Variants in MAMDC2 observed in about 807,000 individuals in gnomAD.
The protein encoded by MAMDC2 is MAM domain containing 2.
A neutral mutation model predicts 89.8 loss-of-function variants in MAMDC2; 57 were observed. The observed-to-expected ratio is 0.63, with a 90% confidence interval of 0.51 to 0.79. The LOEUF (loss-of-function observed/expected upper bound fraction) is 0.79. Ranked by LOEUF, MAMDC2 falls within the 30% of genes least tolerant of loss-of-function variation. MAMDC2 has a pLI of 0.00. For missense variants in MAMDC2, 800 were observed against 820.6 expected (o/e 0.97, Z 0.31); for synonymous variants, 313 against 293.4 (o/e 1.07, Z -0.68).
intron 7 of MAMDC2, among the ~76,000 whole-genome samples, chr9:70,133,502 G>A (rs774825410): frequency 3.3e-5 from 5 of 152,154 alleles, no homozygotes; most frequent in Admixed American, 6.5e-5. Context: ...TATACAGTTC[G>A]GTTAACCAAG....
intron 11 of MAMDC2, among the ~76,000 whole-genome samples, chr9:70,203,092 G>A (rs1422375958): frequency 1.1e-3 from 156 of 138,246 alleles, no homozygotes; most frequent in South Asian, 2.3e-3. Flanking sequence ...ATTTGATCCT[G>A]TCATTATGAT....
At chr9:70,053,337 A>G (rs1233573866) in intron 2 of MAMDC2, among the ~76,000 whole-genome samples, 3 of 152,242 alleles carry the variant, frequency 2.0e-5, no homozygotes, top group Non-Finnish European at 4.4e-5. Flanking sequence ...ATTTCATTGC[A>G]TCATGAATAA....
In MAMDC2 at chr9:70,140,135, C is replaced by A. The variant is rs1563971517; in HGVS notation, c.995-10C>A. 6.4e-7 allele frequency: 1 copy of A among 1,553,728 alleles called. No individual in the cohort carries two copies. Reference sequence around the variant, plus strand: ...GGGACTGTCATTAACTTTGCTTGTCCTTTGCTCAGAACTTCTGTTCAGTGC... The same window carrying A: ...GGGACTGTCATTAACTTTGCTTGTCATTTGCTCAGAACTTCTGTTCAGTGC... On this transcript the variant is annotated splice_polypyrimidine_tract_variant and intron_variant, in intron 7 of 13. Coordinates refer to ENST00000377182, the MANE Select transcript of MAMDC2 (RefSeq NM_153267.5).
intron 2 of MAMDC2, 40 bp downstream of exon 2, chr9:70,044,737 C>T (rs1227749681): frequency 2.8e-6 from 4 of 1,423,320 alleles, no homozygotes; most frequent in Non-Finnish European, 3.9e-6. Context: ...AGTGAACTTT[C>T]TTCCTTGATG....
At chr9:70,046,898 C>T (rs893057580) in intron 2 of MAMDC2, among the ~76,000 whole-genome samples, 15 of 152,158 alleles carry the variant, frequency 9.9e-5, no homozygotes, top group African/African-American at 1.7e-4. Flanking sequence ...AGAACTTGGA[C>T]GTAACAGTGT....
intron 11 of MAMDC2, among the ~76,000 whole-genome samples, chr9:70,173,412 T>C (rs1209372722): frequency 6.6e-6 from 1 of 152,194 alleles, no homozygotes; most frequent in East Asian, 1.9e-4. Context: ...AATGAATCTA[T>C]AAACCTTCAC....
intron 2 of MAMDC2, among the ~76,000 whole-genome samples, chr9:70,107,706 C>T (rs947499180): frequency 6.6e-6 from 1 of 152,178 alleles, no homozygotes; most frequent in African/African-American, 2.4e-5. Context: ...CATAATGATG[C>T]AAGTTAAATG....
intron 2 of MAMDC2, among the ~76,000 whole-genome samples, chr9:70,056,833 G>A (rs948927477): frequency 8.6e-5 from 13 of 151,952 alleles, no homozygotes; most frequent in Admixed American, 3.9e-4. Flanking sequence ...GATCAGCAGC[G>A]GCATTAGATT....
chr9:70,122,457 A>G (rs1268888566), intron 5 of MAMDC2, among the ~76,000 whole-genome samples: 1 of 152,174 alleles, frequency 6.6e-6, no homozygotes, highest in African/African-American at 2.4e-5. Flanking sequence ...TGAATTTACA[A>G]CAAGGCTGGC....
intron 8 of MAMDC2, 89 bp downstream of exon 8, chr9:70,140,377 CTT>C (rs980428904): frequency 1.4e-6 from 2 of 1,387,674 alleles, no homozygotes; most frequent in African/African-American, 3.1e-5. Flanking sequence ...AAGACATCGA[CTT>C]AAAGAAAAAA....
At chr9:70,090,150 C>T (rs1283236157) in intron 2 of MAMDC2, among the ~76,000 whole-genome samples, 1 of 134,900 alleles carries the variant, frequency 7.4e-6, no homozygotes, top group Non-Finnish European at 1.6e-5. Context: ...CACACACACA[C>T]ATAAAAATAT....
chr9:70,212,439 A>G (rs1206458251), intron 11 of MAMDC2, among the ~76,000 whole-genome samples: 2 of 152,242 alleles, frequency 1.3e-5, no homozygotes, highest in African/African-American at 4.8e-5. Context: ...GGCACGGGAT[A>G]TAATCTCCTG....
At chr9:70,199,320 G>A (rs1274480218) in intron 11 of MAMDC2, among the ~76,000 whole-genome samples, 1 of 144,440 alleles carries the variant, frequency 6.9e-6, no homozygotes, top group African/African-American at 2.6e-5. Flanking sequence ...TTGATCTTGC[G>A]ATAGTTTACT....
At chr9:70,208,286 T>C (rs2033273248) in intron 11 of MAMDC2, among the ~76,000 whole-genome samples, 1 of 152,244 alleles carries the variant, frequency 6.6e-6, no homozygotes, top group Non-Finnish European at 1.5e-5. Flanking sequence ...CTTCCATTTC[T>C]TTGTGTCCTC....
intron 9 of MAMDC2, among the ~76,000 whole-genome samples, chr9:70,163,844 T>C (rs2032072965): frequency 6.6e-6 from 1 of 150,684 alleles, no homozygotes; most frequent in Admixed American, 6.6e-5. Flanking sequence ...GTTCCAACTA[T>C]TTGGGAGGCT....
At chr9:70,200,284 C>T (rs999901076) in intron 11 of MAMDC2, among the ~76,000 whole-genome samples, 8 of 150,428 alleles carry the variant, frequency 5.3e-5, no homozygotes, top group African/African-American at 2.0e-4. Context: ...AGCCAGTTTT[C>T]CCAGCACCAT....
chr9:70,132,938 CAGAT>C (rs1334428659), intron 7 of MAMDC2, among the ~76,000 whole-genome samples: 2 of 152,242 alleles, frequency 1.3e-5, no homozygotes, highest in East Asian at 3.9e-4. Flanking sequence ...GGTTGTAAAA[CAGAT>C]AGAACCAGAT....
chr9:70,077,673 G>A (rs1162709332), intron 2 of MAMDC2, among the ~76,000 whole-genome samples: 1 of 152,158 alleles, frequency 6.6e-6, no homozygotes, highest in Non-Finnish European at 1.5e-5. Flanking sequence ...TCATGTTAGT[G>A]CTGTATGCAT....
chr9:70,117,582 T>G (rs1337745227), intron 5 of MAMDC2, among the ~76,000 whole-genome samples: 4 of 152,070 alleles, frequency 2.6e-5, no homozygotes, highest in Non-Finnish European at 5.9e-5. Flanking sequence ...AGTCTGCACA[T>G]GTATCCCAGA....
Sources: gnomAD v4.1 joint callset for allele counts (sites outside exome capture counted in the v4.1 genomes callset) on GRCh38, gnomAD v4.1.1 for gene constraint, MANE v1.5 for transcripts, NCBI Gene and HGNC (gene_info 2026-07-23, HGNC 2026-07-21) for gene names.